Variants in EFCAB6 observed in about 807,000 individuals in gnomAD.
EFCAB6 encodes the protein EF-hand calcium binding domain 6, also known as EF-hand calcium-binding domain-containing protein 6.
In EFCAB6, 156 loss-of-function variants were observed where a neutral mutation model predicts 169.8. That is an observed-to-expected ratio of 0.92 (90% CI 0.81 to 1.05). The LOEUF (loss-of-function observed/expected upper bound fraction) is 1.05, where lower values mean the gene tolerates loss of function less well. Among genes scored for constraint, EFCAB6 ranks in the 50% least tolerant of loss-of-function variants. EFCAB6 has a pLI of 0.00. For synonymous variants in EFCAB6, 698 were observed against 676.4 expected, an observed-to-expected ratio of 1.03 and a Z score of -0.50; for missense variants, 1,800 against 1,829.1, an observed-to-expected ratio of 0.98 and a Z score of 0.29.
rs116803907 is a variant in EFCAB6 at position 43,543,766 on chromosome 22, C to T, written c.3649-3409G>A. ...CCTCCACCCCGTCAGGAGCCCAGCA[C>T]CAGCAAAGGCAGCAAGAGAGGGAAA... is the stretch of plus-strand genomic sequence containing the variant. On this transcript the variant is annotated intron_variant, in intron 27 of 31. Coordinates refer to ENST00000262726, the MANE Select transcript of EFCAB6 (RefSeq NM_022785.4). 2.5e-3 allele frequency among the ~76,000 whole-genome samples: 374 copies of T among 152,236 alleles called. 5 individuals carry two copies. The highest frequency in any genetic ancestry group is 8.4e-3 in the African/African-American group (350 of 41,542).
chr22:43,735,851 GCTTA>G lies in EFCAB6; in HGVS notation c.644+2_644+5del. 1.9e-6 allele frequency: 3 copies of G among 1,611,702 alleles called. No homozygotes were observed. The highest frequency in any genetic ancestry group is 2.5e-6 in the Non-Finnish European group (3 of 1,179,422). ...GCAATCTCTCACCGTGCCTTCATTT[GCTTA>G]CTTTTCGTATTCCTCGTCTCTTAAC... On this transcript the variant is annotated splice_donor_variant and splice_donor_5th_base_variant and intron_variant, in intron 7 of 31. Transcript: ENST00000262726. LOFTEE classifies it high-confidence loss of function.
intron 30 of EFCAB6, among the ~76,000 whole-genome samples, chr22:43,533,090 G>A (rs1014374005): frequency 2.0e-5 from 3 of 152,256 alleles, no homozygotes; most frequent in African/African-American, 7.2e-5. Context: ...GTAAGTGGCT[G>A]AGAACCAAAG....
At chr22:43,600,383 C>G in intron 22 of EFCAB6, 120 bp from the exon 23 acceptor site, 1 of 1,030,858 alleles carries the variant, frequency 9.7e-7, no homozygotes, top group Non-Finnish European at 1.4e-6. Context: ...CCTCACCACT[C>G]GGAGCATGCC....
intron 26 of EFCAB6, among the ~76,000 whole-genome samples, chr22:43,555,779 A>G (rs1302408932): frequency 6.6e-6 from 1 of 152,204 alleles, no homozygotes; most frequent in Admixed American, 6.5e-5. Context: ...TCAGGTCCTC[A>G]TGACACTGTC....
intron 2 of EFCAB6, among the ~76,000 whole-genome samples, chr22:43,785,163 C>A (rs367769784): frequency 4.6e-5 from 7 of 152,044 alleles, no homozygotes; most frequent in Admixed American, 6.5e-5. Flanking sequence ...ATCTGAACAC[C>A]ACCACAAACC....
At chr22:43,631,344 A>G (rs375596368) in intron 19 of EFCAB6, among the ~76,000 whole-genome samples, 9 of 151,920 alleles carry the variant, frequency 5.9e-5, no homozygotes, top group African/African-American at 1.9e-4. Context: ...ACTGGCCTCT[A>G]TGTTTGAATG....
chr22:43,732,178 C>T (rs1345675606), intron 7 of EFCAB6, among the ~76,000 whole-genome samples: 4 of 152,194 alleles, frequency 2.6e-5, no homozygotes. Context: ...ACAGCAGAAG[C>T]AGGTCCCATT....
intron 17 of EFCAB6, among the ~76,000 whole-genome samples, chr22:43,666,728 A>G (rs1248608290): frequency 7.8e-6 from 1 of 128,048 alleles, no homozygotes; most frequent in Non-Finnish European, 1.6e-5. Context: ...TTCTAGAGGA[A>G]CAAACCATAG....
chr22:43,703,245 C>T (rs540148518), intron 10 of EFCAB6, among the ~76,000 whole-genome samples: 15 of 152,228 alleles, frequency 9.9e-5, no homozygotes, highest in Non-Finnish European at 1.9e-4. Context: ...CACCTGAACT[C>T]AGAGCCAACA....
intron 17 of EFCAB6, among the ~76,000 whole-genome samples, chr22:43,646,052 A>G (rs554703215): frequency 2.4e-4 from 37 of 152,292 alleles, no homozygotes; most frequent in African/African-American, 8.4e-4. Context: ...TTAGTACTTC[A>G]ATGACAGATT....
intron 10 of EFCAB6, among the ~76,000 whole-genome samples, chr22:43,690,037 T>C (rs989502653): frequency 6.6e-6 from 1 of 152,110 alleles, no homozygotes; most frequent in Non-Finnish European, 1.5e-5. Flanking sequence ...GTCTGCCCAG[T>C]TCAACTTAGG....
At chr22:43,731,443 T>A (rs1241842143) in intron 8 of EFCAB6, among the ~76,000 whole-genome samples, 1 of 152,252 alleles carries the variant, frequency 6.6e-6, no homozygotes, top group Non-Finnish European at 1.5e-5. Context: ...ACACATCTTC[T>A]GTGTTATTAT....
chr22:43,703,901 T>C (rs193041791), intron 10 of EFCAB6, among the ~76,000 whole-genome samples: 44 of 149,548 alleles, frequency 2.9e-4, no homozygotes, highest in South Asian at 2.1e-4. Flanking sequence ...AATATACACA[T>C]AATAGAAATT....
chr22:43,754,925 A>G (rs901166677), intron 6 of EFCAB6, among the ~76,000 whole-genome samples: 6 of 152,224 alleles, frequency 3.9e-5, no homozygotes, highest in African/African-American at 1.4e-4. Flanking sequence ...GTTCTGAATA[A>G]TATCAACTAT....
chr22:43,661,488 C>T (rs147982362), intron 17 of EFCAB6, among the ~76,000 whole-genome samples: 95 of 152,332 alleles, frequency 6.2e-4, no homozygotes, highest in Middle Eastern at 3.4e-3. Flanking sequence ...GGTGAATGGT[C>T]AGAGCAACGA....
At chr22:43,775,769 C>T (rs1372659698) in intron 3 of EFCAB6, among the ~76,000 whole-genome samples, 1 of 152,230 alleles carries the variant, frequency 6.6e-6, no homozygotes, top group Non-Finnish European at 1.5e-5. Context: ...TAGATGCTCA[C>T]ACACAGACAC....
chr22:43,656,704 G>A (rs1487835877), intron 17 of EFCAB6, among the ~76,000 whole-genome samples: 1 of 151,914 alleles, frequency 6.6e-6, no homozygotes, highest in East Asian at 1.9e-4. Flanking sequence ...GTGTGTAGGA[G>A]GCTATAGCAC....
intron 18 of EFCAB6, among the ~76,000 whole-genome samples, chr22:43,634,615 A>G (rs1286837493): frequency 2.2e-5 from 3 of 137,274 alleles, no homozygotes; most frequent in Non-Finnish European, 3.0e-5. Context: ...AGCATCACTG[A>G]GTGGAGAGGC....
rs189135319 is a variant in EFCAB6, at chr22:43,672,314, G to A, written c.1420-9C>T. ...GGAGATGTCTTTCTCATCTAATTGG[G>A]AAAGAGAAAGTATATAAATAAATAC... On this transcript the variant is annotated splice_polypyrimidine_tract_variant and intron_variant, in intron 13 of 31. Coordinates refer to ENST00000262726, the MANE Select transcript of EFCAB6 (RefSeq NM_022785.4). 6 of 1,613,600 alleles carry A rather than the reference G, an allele frequency of 3.7e-6. No individual in the cohort carries two copies. Among genetic ancestry groups the A allele is most frequent in the Non-Finnish European group, 4.2e-6 (5 of 1,179,770 alleles).
Sources: allele counts gnomAD v4.1 joint callset (sites outside exome capture counted in the v4.1 genomes callset), GRCh38; gene constraint gnomAD v4.1.1; transcripts MANE v1.5; gene names NCBI Gene and HGNC (gene_info 2026-07-23, HGNC 2026-07-21).